Variants in ADARB1 observed in about 807,000 individuals in gnomAD.
ADARB1 encodes adenosine deaminase RNA specific B1.
In ADARB1, 10 loss-of-function variants were observed where a neutral mutation model predicts 52.4. That is an observed-to-expected ratio of 0.19 (90% CI 0.12 to 0.32). ADARB1 has a LOEUF of 0.32. ADARB1 is among the 10% of genes least tolerant of loss of function. The pLI, the probability that ADARB1 is intolerant of heterozygous loss-of-function variation, is 1.00. For synonymous variants in ADARB1, 349 were observed against 371.1 expected (o/e 0.94, Z 0.68); for missense variants, 643 against 922.3 (o/e 0.70, Z 3.92).
chr21:45,118,661 T>A (rs571035003), intron 1 of ADARB1: 1 of 152,368 alleles, frequency 6.6e-6, no homozygotes, highest in Admixed American at 6.5e-5. Flanking sequence ...TCCCTGGGCT[T>A]CATGTCCTGA....
chr21:45,113,153 G>A (rs1216321611), intron 1 of ADARB1, among the ~76,000 whole-genome samples: 2 of 152,128 alleles, frequency 1.3e-5, no homozygotes, highest in African/African-American at 2.4e-5. Flanking sequence ...GGCCAGGCTC[G>A]GTGGCTCACG....
intron 1 of ADARB1, among the ~76,000 whole-genome samples, chr21:45,091,243 T>A (rs1446162499): frequency 6.6e-6 from 1 of 152,218 alleles, no homozygotes; most frequent in African/African-American, 2.4e-5. Flanking sequence ...TCTTTGCCCC[T>A]GGTATTATCT....
chr21:45,105,619 T>C (rs1013045314), intron 1 of ADARB1, among the ~76,000 whole-genome samples: 1 of 152,262 alleles, frequency 6.6e-6, no homozygotes, highest in Non-Finnish European at 1.5e-5. Flanking sequence ...AAGGAATTAT[T>C]TTGAACACTA....
At chr21:45,152,139 C>T (rs368202544) in intron 2 of ADARB1, among the ~76,000 whole-genome samples, 6 of 152,188 alleles carry the variant, frequency 3.9e-5, no homozygotes, top group African/African-American at 9.7e-5. Flanking sequence ...CATCAGCTGG[C>T]GTCTGCTGAG....
At chr21:45,143,059 T>C (rs1185251775) in intron 2 of ADARB1, among the ~76,000 whole-genome samples, 1 of 152,234 alleles carries the variant, frequency 6.6e-6, no homozygotes, top group Non-Finnish European at 1.5e-5. Flanking sequence ...GATTTGATGA[T>C]GTTTAAATGA....
chr21:45,127,167 G>A (rs895676692), intron 1 of ADARB1, among the ~76,000 whole-genome samples: 4 of 152,164 alleles, frequency 2.6e-5, no homozygotes, highest in Admixed American at 1.3e-4. Context: ...GGTGGAGCTG[G>A]ATTCGGACTG....
chr21:45,131,384 T>C (rs1183192846), intron 2 of ADARB1, among the ~76,000 whole-genome samples: 1 of 152,218 alleles, frequency 6.6e-6, no homozygotes, highest in Non-Finnish European at 1.5e-5. Flanking sequence ...TTCTGGAACA[T>C]TGAGTGTATG....
intron 1 of ADARB1, among the ~76,000 whole-genome samples, chr21:45,113,315 C>T (rs1197088269): frequency 6.6e-6 from 1 of 151,908 alleles, no homozygotes; most frequent in African/African-American, 2.4e-5. Context: ...CCCAGCTACT[C>T]GGGAGGCTGA....
chr21:45,116,475 G>C (rs2087831811), intron 1 of ADARB1, among the ~76,000 whole-genome samples: 1 of 152,262 alleles, frequency 6.6e-6, no homozygotes, highest in Admixed American at 6.5e-5. Context: ...CCTTTGCATA[G>C]AAGCAACTTT....
chr21:45,224,647 CAG>C lies in ADARB1; in HGVS notation c.*2451_*2452del. The C allele has an allele frequency of 1.8e-6, 1 of 567,574 alleles. No individual in the cohort carries two copies. The highest frequency in any genetic ancestry group is 1.9e-6 in the Non-Finnish European group (1 of 517,530). The allele number at this position is 567,574 out of a possible 1,614,324, so 35.2% of individuals were successfully genotyped here. On this transcript the variant is annotated 3_prime_UTR_variant, in exon 11 of 11. Transcript: ENST00000348831. The stretch of plus-strand genomic sequence containing the variant: ...AGGGAGCCCTGGGCGGGGTGGCTGT[CAG>C]GGGGAACTGGGTTCCGGGAGCCCTG...
intron 1 of ADARB1, among the ~76,000 whole-genome samples, chr21:45,081,181 CTG>C (rs1018112171): frequency 6.6e-6 from 1 of 152,172 alleles, no homozygotes; most frequent in Non-Finnish European, 1.5e-5. Context: ...AGTGCCTGCT[CTG>C]TGTGAGTCAT....
chr21:45,183,319 T>C, intron 6 of ADARB1, 43 bp from the exon 7 acceptor site: 1 of 1,560,958 alleles, frequency 6.4e-7, no homozygotes, highest in Non-Finnish European at 8.7e-7. Flanking sequence ...AATTTAACTA[T>C]ATACAGCTTT....
intron 1 of ADARB1, among the ~76,000 whole-genome samples, chr21:45,081,289 A>G (rs1568989739): frequency 1.3e-5 from 2 of 152,190 alleles, no homozygotes; most frequent in Admixed American, 1.3e-4. Context: ...AGAGGCAGAC[A>G]CCGTGCCTCA....
intron 9 of ADARB1, among the ~76,000 whole-genome samples, chr21:45,214,722 T>A (rs112944657): frequency 3.3e-5 from 5 of 152,336 alleles, no homozygotes; most frequent in African/African-American, 1.2e-4. Context: ...TGGACTCTGT[T>A]GTTTGCCTTT....
At chr21:45,124,783 G>GTA (rs752101413) in intron 1 of ADARB1, among the ~76,000 whole-genome samples, 29 of 110,716 alleles carry the variant, frequency 2.6e-4, no homozygotes, top group Middle Eastern at 4.3e-3. Context: ...GTGTGTGTGT[G>GTA]TGTATGTGTG....
intron 1 of ADARB1, among the ~76,000 whole-genome samples, chr21:45,099,318 C>T (rs1256207149): frequency 6.6e-6 from 1 of 152,142 alleles, no homozygotes; most frequent in Non-Finnish European, 1.5e-5. Context: ...GCCTAGTATA[C>T]AGCCTGTTAA....
At chr21:45,120,457 T>G (rs1387346943) in intron 1 of ADARB1, among the ~76,000 whole-genome samples, 1 of 152,236 alleles carries the variant, frequency 6.6e-6, no homozygotes, top group Non-Finnish European at 1.5e-5. Flanking sequence ...GAGAGGAGTG[T>G]GAAGCTGCAC....
rs1235378888 is a variant in ADARB1, at chr21:45,221,155, T to C, written c.1926+141T>C. ...ACGATCACTTGGAATGATTCTTCCTTCAGATTGTTTTAGCTTAGAAGTGTG... is the reference window on the plus strand; with the variant it reads ...ACGATCACTTGGAATGATTCTTCCTCCAGATTGTTTTAGCTTAGAAGTGTG... On this transcript the variant is annotated intron_variant, in intron 10 of 10. Coordinates refer to ENST00000348831, the MANE Select transcript of ADARB1 (RefSeq NM_001112.4). The surrounding 1 kb of genome is among the most constrained non-coding windows in gnomAD (Gnocchi z 4.9). The C allele has an allele frequency of 7.2e-6, 8 of 1,106,610 alleles. No homozygotes were observed. The Admixed American group carries it at 2.1e-4, about 28-fold the overall frequency. 68.5% of individuals were successfully genotyped at this position (1,106,610 alleles called of 1,614,324 possible).
chr21:45,212,232 G>A (rs918131686), intron 9 of ADARB1, among the ~76,000 whole-genome samples: 4 of 152,132 alleles, frequency 2.6e-5, no homozygotes, highest in Non-Finnish European at 5.9e-5. Context: ...AGATTCCCCA[G>A]CAGTTTAAAT....
Sources: gnomAD v4.1 joint callset for allele counts (sites outside exome capture counted in the v4.1 genomes callset) on GRCh38, gnomAD v4.1.1 for gene constraint, Gnocchi (gnomAD v3.1) non-coding constraint, MANE v1.5 for transcripts, NCBI Gene and HGNC (gene_info 2026-07-23, HGNC 2026-07-21) for gene names.